The following MAP3K4 variants were observed in gnomAD, a reference collection of about 807,000 sequenced individuals.
The protein encoded by MAP3K4 is mitogen-activated protein kinase kinase kinase 4.
MAP3K4 carries 67 observed loss-of-function variants against 185.6 expected under a neutral mutation model. That is an observed-to-expected ratio of 0.36 (90% CI 0.30 to 0.44). MAP3K4 has a LOEUF of 0.44. MAP3K4 is among the 20% of genes least tolerant of loss of function. The pLI, the probability that MAP3K4 is intolerant of heterozygous loss-of-function variation, is 1.00. For missense variants in MAP3K4, 1,551 were observed against 1,995.1 expected, an observed-to-expected ratio of 0.78 and a Z score of 4.24; for synonymous variants, 702 against 710.4, an observed-to-expected ratio of 0.99 and a Z score of 0.19.
chr6:161,091,925 A>G lies in MAP3K4; in HGVS notation c.3136-85A>G. 1.7e-6 allele frequency: 2 copies of G among 1,177,202 alleles called. No individual in the cohort carries two copies. 72.9% of individuals were successfully genotyped at this position (1,177,202 alleles called of 1,614,324 possible). On this transcript the variant is annotated intron_variant, in intron 12 of 26. Coordinates refer to ENST00000392142, the MANE Select transcript of MAP3K4 (RefSeq NM_005922.4). This position sits in a 1 kb window ranked among gnomAD's most constrained non-coding sequence, Gnocchi z 5.5. ...TTGGATTTCACTTTTTGTTTTTAGA[A>G]AACATTTTAGACATGGCATTATAGT...
chr6:161,049,527 T>G lies in MAP3K4; in HGVS notation c.1255T>G (p.Leu419Val), dbSNP rs1431986147. 6.2e-7 allele frequency: 1 copy of G among 1,614,020 alleles called. No individual in the cohort carries two copies. Among genetic ancestry groups the G allele is most frequent in the Non-Finnish European group, 8.5e-7 (1 of 1,180,016 alleles). ...GGGCACTGTTTTGGGCATCAAGAAT[T>G]TATCAGACATTGGCTGGCCAGTGTT... ...IMGTVLGIKNLSDIGWPVFEI... is the reference protein window; with the variant it reads ...IMGTVLGIKNVSDIGWPVFEI... The change falls in exon 3 of 27, where the codon TTA becomes GTA. Residue 419 changes from leucine to valine, a missense_variant. Physicochemically the swap from Leu to Val is conservative, Grantham distance 32 (BLOSUM62 1). This residue lies in a region of MAP3K4 where 24 missense variants were observed against 48.5 expected (regional missense o/e 0.49). Transcript: ENST00000392142. This position sits in a 1 kb window ranked among gnomAD's most constrained non-coding sequence, Gnocchi z 8.4.
intron 1 of MAP3K4, among the ~76,000 whole-genome samples, chr6:161,013,675 G>A (rs1781952970): frequency 6.6e-6 from 1 of 152,194 alleles, no homozygotes; most frequent in Admixed American, 6.5e-5. Flanking sequence ...CATCTCTAGT[G>A]GTGTTAAGCT....
intron 2 of MAP3K4, among the ~76,000 whole-genome samples, chr6:161,047,117 C>CATAT (rs3050257): frequency 0.019 from 2,605 of 134,930 alleles, 77 homozygotes; most frequent in African/African-American, 0.052. Flanking sequence ...TTCACTTATG[C>CATAT]ATATATATAT....
At position 161,037,459 on chromosome 6, in the gene MAP3K4, C is replaced by G. The variant is rs1389448729; in HGVS notation, c.343+3010C>G. On this transcript the variant is annotated intron_variant, in intron 2 of 26. Transcript: ENST00000392142. The surrounding 1 kb of genome is among the most constrained non-coding windows in gnomAD (Gnocchi z 4.2). ...CTGAGACGGAGTTTCACTCTTGTTG[C>G]CCAGGCTGGAGTGCAGTGGCGCGAT... Among the ~76,000 whole-genome samples the G allele has an allele frequency of 6.6e-6, 1 of 152,126 alleles. No individual in the cohort carries two copies. Among genetic ancestry groups the G allele is most frequent in the African/African-American group, 2.4e-5 (1 of 41,424 alleles).
chr6:160,998,409 T>G (rs1043799037), intron 1 of MAP3K4, among the ~76,000 whole-genome samples: 1 of 152,240 alleles, frequency 6.6e-6, no homozygotes, highest in African/African-American at 2.4e-5. Flanking sequence ...AAAAAGCTAA[T>G]CAGAGAGCCT....
chr6:161,107,038 A>C lies in MAP3K4; in HGVS notation c.4048+333A>C, dbSNP rs1023239505. Among the ~76,000 whole-genome samples the C allele has an allele frequency of 1.4e-4, 7 of 50,950 alleles. No individual in the cohort carries two copies. In the South Asian group the frequency reaches 3.5e-3, roughly 26 times the overall value. 33.4% of individuals were successfully genotyped at this position (50,950 alleles called of 152,430 possible). A position where few individuals can be genotyped will look rare whatever the true frequency, so the allele number is the denominator to read the frequency against. ...TGTTCTAGTTTCTCTCTCTCTCTCTACACACGCGCGCGCACACACACACAC... is the reference window on the plus strand; with the variant it reads ...TGTTCTAGTTTCTCTCTCTCTCTCTCCACACGCGCGCGCACACACACACAC... On this transcript the variant is annotated intron_variant, in intron 20 of 26. Transcript: ENST00000392142. The surrounding 1 kb of genome is among the most constrained non-coding windows in gnomAD (Gnocchi z 6.2).
At chr6:161,036,344 C>T (rs577852878) in intron 2 of MAP3K4, among the ~76,000 whole-genome samples, 1 of 152,116 alleles carries the variant, frequency 6.6e-6, no homozygotes, top group Non-Finnish European at 1.5e-5. Flanking sequence ...CACCAAAATC[C>T]TTAATAAGTT....
At chr6:161,111,070 T>C (rs377008302) in intron 23 of MAP3K4, among the ~76,000 whole-genome samples, 17 of 152,214 alleles carry the variant, frequency 1.1e-4, no homozygotes, top group African/African-American at 4.1e-4. Flanking sequence ...AAGATCAAGC[T>C]GCCCCTCGTA....
chr6:161,073,432 A>T lies in MAP3K4; in HGVS notation c.1951-34A>T. ...AACACGGATCGTCTGGTTGGAGTTTATGGCTGCTGGAACCTGTGTGTGTTG... is the reference window on the plus strand; with the variant it reads ...AACACGGATCGTCTGGTTGGAGTTTTTGGCTGCTGGAACCTGTGTGTGTTG... On this transcript the variant is annotated intron_variant, in intron 4 of 26. Coordinates refer to ENST00000392142, the MANE Select transcript of MAP3K4 (RefSeq NM_005922.4). This position sits in a 1 kb window ranked among gnomAD's most constrained non-coding sequence, Gnocchi z 4.2. 3 of 1,535,286 alleles carry T rather than the reference A, an allele frequency of 2.0e-6. No homozygotes were observed. Among genetic ancestry groups the T allele is most frequent in the Non-Finnish European group, 2.6e-6 (3 of 1,140,046 alleles).
intron 2 of MAP3K4, among the ~76,000 whole-genome samples, chr6:161,045,370 A>T (rs1055587434): frequency 1.3e-5 from 2 of 152,192 alleles, no homozygotes; most frequent in Non-Finnish European, 2.9e-5. Flanking sequence ...ACTGTTTTGT[A>T]TGCTGTGAGA....
At chr6:161,005,813 A>T (rs1372304198) in intron 1 of MAP3K4, among the ~76,000 whole-genome samples, 1 of 152,116 alleles carries the variant, frequency 6.6e-6, no homozygotes, top group Non-Finnish European at 1.5e-5. Context: ...TTTGAGACAG[A>T]GTCTTGCTCT....
chr6:161,069,423 TG>T (rs1784837382), intron 3 of MAP3K4, among the ~76,000 whole-genome samples: 1 of 152,022 alleles, frequency 6.6e-6, no homozygotes, highest in Non-Finnish European at 1.5e-5. Flanking sequence ...GGAGGCAGCA[TG>T]GGCAGCGAGG....
In MAP3K4 at chr6:161,107,023, T is replaced by G. The variant is rs1397955847; in HGVS notation, c.4048+318T>G. On this transcript the variant is annotated intron_variant, in intron 20 of 26. Transcript: ENST00000392142. The surrounding 1 kb of genome is among the most constrained non-coding windows in gnomAD (Gnocchi z 6.2). ...AAAATTTGACCCATTTGTTCTAGTT[T>G]CTCTCTCTCTCTCTACACACGCGCG... Among the ~76,000 whole-genome samples, 1 of 134,372 alleles carries G rather than the reference T, an allele frequency of 7.4e-6. No homozygotes were observed. Among genetic ancestry groups the G allele is most frequent in the Non-Finnish European group, 1.6e-5 (1 of 64,032 alleles). 88.2% of individuals were successfully genotyped at this position (134,372 alleles called of 152,430 possible). A position where few individuals can be genotyped will look rare whatever the true frequency, so the allele number is the denominator to read the frequency against.
chr6:161,026,507 T>C (rs1782668714), intron 1 of MAP3K4, among the ~76,000 whole-genome samples: 1 of 152,176 alleles, frequency 6.6e-6, no homozygotes, highest in South Asian at 2.1e-4. Context: ...GTATTTATCC[T>C]CAAGACTTTG....
rs1784229275 is a variant in MAP3K4, at chr6:161,056,215, C to G, written c.1707+6236C>G. On this transcript the variant is annotated intron_variant, in intron 3 of 26. Transcript: ENST00000392142. This position sits in a 1 kb window ranked among gnomAD's most constrained non-coding sequence, Gnocchi z 5.4. ...TCTTACTTTCTGGCACCACAAGATG[C>G]TCTGGGCTTGTCTTGTATTTTCCCT... 6.6e-6 allele frequency among the ~76,000 whole-genome samples: 1 copy of G among 152,152 alleles called. No homozygotes were observed. The highest frequency in any genetic ancestry group is 2.1e-4 in the South Asian group (1 of 4,832).
At position 161,070,617 on chromosome 6, in the gene MAP3K4, T is replaced by C; in HGVS notation, c.1717T>C (p.Phe573Leu). The change falls in exon 4 of 27, where the codon TTT becomes CTT. Residue 573 changes from phenylalanine to leucine, a missense_variant. By Grantham distance (22) the Phe-to-Leu change is conservative. Around this residue, in one of 16 missense-constraint regions of MAP3K4, gnomAD observed 86 missense variants for 81.6 expected, o/e 1.05. Coordinates refer to ENST00000392142, the MANE Select transcript of MAP3K4 (RefSeq NM_005922.4). The surrounding 1 kb of genome is among the most constrained non-coding windows in gnomAD (Gnocchi z 4.5). ...KNDRPVEFSE[F>L]PDPMWGSDYV... ...TGAATTTTTGTTATAGTTTTCTGAA[T>C]TTCCAGATCCCATGTGGGGTTCAGA... is the stretch of plus-strand genomic sequence containing the variant. 1 of 1,612,664 alleles carries C rather than the reference T, an allele frequency of 6.2e-7. No individual in the cohort carries two copies. Among genetic ancestry groups the C allele is most frequent in the Non-Finnish European group, 8.5e-7 (1 of 1,179,642 alleles).
chr6:161,099,587 A>G (rs1274477326), intron 17 of MAP3K4, among the ~76,000 whole-genome samples: 1 of 152,206 alleles, frequency 6.6e-6, no homozygotes, highest in Non-Finnish European at 1.5e-5. Flanking sequence ...AGGGCTGCCA[A>G]AACTGTCTTC....
chr6:161,101,875 TAAA>T lies in MAP3K4; in HGVS notation c.3675-14_3675-12del. On this transcript the variant is annotated splice_polypyrimidine_tract_variant and intron_variant, in intron 17 of 26. Transcript: ENST00000392142. The surrounding 1 kb of genome is among the most constrained non-coding windows in gnomAD (Gnocchi z 5.1). ...TCTATTGAATTGATAGCTCAATTAT[TAAA>T]AATATTAAAACAGGGGTTCCAGCGT... 11 of 1,596,766 alleles carry T rather than the reference TAAA, an allele frequency of 6.9e-6. No homozygotes were observed. Among genetic ancestry groups the T allele is most frequent in the Non-Finnish European group, 9.4e-6 (11 of 1,165,396 alleles).
In MAP3K4 at chr6:161,109,830, C is replaced by T; in HGVS notation, c.4312C>T (p.His1438Tyr). ...EEVSRLGLQE[H>Y]VIRLYSKQIT... Reference sequence around the variant, plus strand: ...GGTGTCAAGGCTGGGACTTCAGGAACATGTGATTAGGCTGTATTCAAAGCA... The same window carrying T: ...GGTGTCAAGGCTGGGACTTCAGGAATATGTGATTAGGCTGTATTCAAAGCA... The change falls in exon 23 of 27, where the codon CAT (histidine) becomes TAT (tyrosine). Residue 1438 changes from histidine to tyrosine, a missense_variant. His to Tyr is a moderately conservative substitution (Grantham distance 83, BLOSUM62 2). Around this residue, in one of 16 missense-constraint regions of MAP3K4, gnomAD observed 159 missense variants for 300.5 expected, o/e 0.53. Transcript: ENST00000392142. This position sits in a 1 kb window ranked among gnomAD's most constrained non-coding sequence, Gnocchi z 5.7. 1 of 1,614,126 alleles carries T rather than the reference C, an allele frequency of 6.2e-7. No homozygotes were observed. The highest frequency in any genetic ancestry group is 8.5e-7 in the Non-Finnish European group (1 of 1,180,002).
Sources: allele counts gnomAD v4.1 joint callset (sites outside exome capture counted in the v4.1 genomes callset), GRCh38; gene constraint gnomAD v4.1.1; regional missense constraint gnomAD v4.1.1; non-coding constraint Gnocchi (gnomAD v3.1); transcripts MANE v1.5; gene names NCBI Gene and HGNC (gene_info 2026-07-23, HGNC 2026-07-21).